The following MAGI1 variants were observed in gnomAD, a reference collection of about 807,000 sequenced individuals.
MAGI1 encodes membrane-associated guanylate kinase, WW and PDZ domain-containing protein 1.
MAGI1 carries 58 observed loss-of-function variants against 139.9 expected under a neutral mutation model. The observed-to-expected ratio is 0.41, with a 90% CI of 0.34 to 0.52. The LOEUF is 0.52. MAGI1 is among the 20% of genes least tolerant of loss of function. The probability of loss-of-function intolerance (pLI) is 0.12; values close to 1 mark genes in which losing one functional copy is unlikely to be tolerated. For missense variants in MAGI1, 1,874 were observed against 1,901.6 expected, an observed-to-expected ratio of 0.99 and a Z score of 0.27; for synonymous variants, 812 against 737.9, an observed-to-expected ratio of 1.10 and a Z score of -1.63.
chr3:65,770,196 C>T (rs574101341), intron 1 of MAGI1, among the ~76,000 whole-genome samples: 2 of 152,302 alleles, frequency 1.3e-5, no homozygotes, highest in East Asian at 3.9e-4. Flanking sequence ...TGTGTCAAGG[C>T]CTATGTGGCC....
At chr3:65,660,858 C>T (rs750190034) in intron 1 of MAGI1, among the ~76,000 whole-genome samples, 1 of 152,080 alleles carries the variant, frequency 6.6e-6, no homozygotes, top group Non-Finnish European at 1.5e-5. Flanking sequence ...TCCATAATGC[C>T]AAAGGACCAA....
At chr3:65,383,707 A>G (rs1943235147) in intron 14 of MAGI1, 84 bp from the exon 15 acceptor site, 1 of 844,906 alleles carries the variant, frequency 1.2e-6, no homozygotes, top group Admixed American at 1.8e-5. Context: ...TTGCAGGACA[A>G]GAATGGTGGT....
intron 1 of MAGI1, among the ~76,000 whole-genome samples, chr3:65,762,129 T>C (rs2037082292): frequency 6.6e-6 from 1 of 152,058 alleles, no homozygotes; most frequent in Non-Finnish European, 1.5e-5. Flanking sequence ...TGGCTGCATT[T>C]CACTAGGTAT....
chr3:65,944,117 T>C (rs1457783762), intron 1 of MAGI1, among the ~76,000 whole-genome samples: 2 of 152,218 alleles, frequency 1.3e-5, no homozygotes. Flanking sequence ...TTCAACTCCA[T>C]TAAGCAGTTT....
chr3:65,775,773 C>A (rs939328711), intron 1 of MAGI1, among the ~76,000 whole-genome samples: 1 of 151,812 alleles, frequency 6.6e-6, no homozygotes, highest in African/African-American at 2.4e-5. Context: ...AAAACCATGT[C>A]TCTACCAAAA....
At chr3:65,841,346 T>C (rs1465575594) in intron 1 of MAGI1, among the ~76,000 whole-genome samples, 1 of 152,108 alleles carries the variant, frequency 6.6e-6, no homozygotes, top group Non-Finnish European at 1.5e-5. Context: ...GTCTTCTAGT[T>C]TCTTGATGTA....
chr3:65,532,051 C>A (rs968799868), intron 2 of MAGI1, among the ~76,000 whole-genome samples: 4 of 152,138 alleles, frequency 2.6e-5, no homozygotes, highest in Non-Finnish European at 5.9e-5. Flanking sequence ...TCCTATAAAT[C>A]CGTACAGTTC....
At chr3:65,722,471 C>CAA (rs113723642) in intron 1 of MAGI1, among the ~76,000 whole-genome samples, 2,826 of 144,856 alleles carry the variant, frequency 0.02, 80 homozygotes, top group African/African-American at 0.065. Flanking sequence ...TTGTCTCTGC[C>CAA]AAAAAAAAAA....
chr3:65,825,818 T>C (rs2042194633), intron 1 of MAGI1, among the ~76,000 whole-genome samples: 1 of 151,954 alleles, frequency 6.6e-6, no homozygotes, highest in African/African-American at 2.4e-5. Context: ...TGAAACCCCG[T>C]CTCCACTAAA....
At chr3:65,943,986 G>A (rs556015258) in intron 1 of MAGI1, among the ~76,000 whole-genome samples, 1 of 152,162 alleles carries the variant, frequency 6.6e-6, no homozygotes, top group East Asian at 1.9e-4. Context: ...ATAGCTTGTG[G>A]GCCAATTTTC....
intron 1 of MAGI1, among the ~76,000 whole-genome samples, chr3:65,907,910 C>T (rs2061501510): frequency 6.6e-6 from 1 of 152,128 alleles, no homozygotes; most frequent in African/African-American, 2.4e-5. Flanking sequence ...CTTAAAATGT[C>T]CCCTGTCACG....
At chr3:65,991,391 A>G (rs1352563993) in intron 1 of MAGI1, among the ~76,000 whole-genome samples, 2 of 151,882 alleles carry the variant, frequency 1.3e-5, no homozygotes, top group African/African-American at 2.4e-5. Context: ...AGTGACTTAC[A>G]TTTGACACTT....
intron 2 of MAGI1, among the ~76,000 whole-genome samples, chr3:65,573,085 G>A (rs2081027946): frequency 6.6e-6 from 1 of 151,810 alleles, no homozygotes; most frequent in South Asian, 2.1e-4. Flanking sequence ...CAAATAACCA[G>A]TGTTAATATT....
chr3:65,757,222 T>G (rs1456385369), intron 1 of MAGI1, among the ~76,000 whole-genome samples: 1 of 152,228 alleles, frequency 6.6e-6, no homozygotes. Context: ...AGCACTGACT[T>G]ATAACCATTC....
chr3:65,452,040 G>A (rs1949061349), intron 6 of MAGI1, among the ~76,000 whole-genome samples: 1 of 152,066 alleles, frequency 6.6e-6, no homozygotes, highest in African/African-American at 2.4e-5. Context: ...AATCAGTATA[G>A]TCTATTATCT....
chr3:65,765,807 C>T lies in MAGI1; in HGVS notation c.314-143719G>A, dbSNP rs141033275. Among the ~76,000 whole-genome samples the T allele has an allele frequency of 6.8e-3, 1,035 of 152,308 alleles. 8 individuals are homozygous for T. The highest frequency in any genetic ancestry group is 0.023 in the African/African-American group (958 of 41,560). ...AGTCTTCAACATGGGTTGCCATTTT[C>T]GGATTTCTCTGTCTTTCTCAATCTT... On this transcript the variant is annotated intron_variant, in intron 1 of 22. Transcript: ENST00000402939.
intron 2 of MAGI1, among the ~76,000 whole-genome samples, chr3:65,604,556 A>G (rs1484171555): frequency 6.6e-6 from 1 of 152,170 alleles, no homozygotes; most frequent in African/African-American, 2.4e-5. Context: ...AGAGACAAAT[A>G]ATAAATCACT....
At chr3:65,988,838 C>T (rs930898175) in intron 1 of MAGI1, among the ~76,000 whole-genome samples, 22 of 152,090 alleles carry the variant, frequency 1.4e-4, no homozygotes, top group Middle Eastern at 3.2e-3. Flanking sequence ...TTATCACCAC[C>T]CCCACCCACT....
intron 1 of MAGI1, among the ~76,000 whole-genome samples, chr3:65,987,959 C>T (rs1223700866): frequency 2.0e-5 from 3 of 152,236 alleles, no homozygotes; most frequent in Admixed American, 6.5e-5. Context: ...TGCCCCTGCA[C>T]TTGCATGCCC....
Sources: allele counts gnomAD v4.1 joint callset (sites outside exome capture counted in the v4.1 genomes callset), GRCh38; gene constraint gnomAD v4.1.1; transcripts MANE v1.5; gene names NCBI Gene and HGNC (gene_info 2026-07-23, HGNC 2026-07-21).